MECOM: variants seen among roughly 807,000 people sequenced by gnomAD.
The protein encoded by MECOM is histone-lysine N-methyltransferase MECOM.
Under a neutral mutation model 116.3 loss-of-function variants are expected in MECOM, and 13 were observed. That is an observed-to-expected ratio of 0.11 (90% confidence interval 0.07 to 0.18). MECOM has a LOEUF of 0.18. Among genes scored for constraint, MECOM ranks in the 10% least tolerant of loss-of-function variants. The probability of loss-of-function intolerance (pLI) is 1.00; values close to 1 mark genes in which losing one functional copy is unlikely to be tolerated. For missense variants in MECOM, 1,299 were observed against 1,509.0 expected, an observed-to-expected ratio of 0.86 and a Z score of 2.31; for synonymous variants, 528 against 535.2, an observed-to-expected ratio of 0.99 and a Z score of 0.19.
intron 2 of MECOM, among the ~76,000 whole-genome samples, chr3:169,149,911 A>G (rs974079705): frequency 6.6e-6 from 1 of 150,774 alleles, no homozygotes; most frequent in Non-Finnish European, 1.5e-5. Context: ...AAAACACTAA[A>G]TCTTAATCTC....
At chr3:169,440,332 G>A (rs1022246227) in intron 1 of MECOM, among the ~76,000 whole-genome samples, 1 of 152,120 alleles carries the variant, frequency 6.6e-6, no homozygotes, top group Non-Finnish European at 1.5e-5. Flanking sequence ...TTGTTGAAAT[G>A]CGAAATGCTT....
chr3:169,131,619 T>C (rs1362090568), intron 3 of MECOM, 88 bp from the exon 4 acceptor site: 2 of 971,912 alleles, frequency 2.1e-6, no homozygotes, highest in African/African-American at 3.3e-5. Context: ...CTAAGATACC[T>C]GTACAAACAC....
chr3:169,663,179 CTG>C lies in MECOM; in HGVS notation c.37+155_37+156del, dbSNP rs1776557366. ...GAGCGCGGGCGACCGGGAGCAGAGACTGGAACCGGCAGGTTGCTGGGGCTGCG... is the reference window on the plus strand; with the variant it reads ...GAGCGCGGGCGACCGGGAGCAGAGACGAACCGGCAGGTTGCTGGGGCTGCG... On this transcript the variant is annotated intron_variant, in intron 1 of 16. Transcript: ENST00000651503. 2.6e-5 allele frequency among the ~76,000 whole-genome samples: 4 copies of C among 151,954 alleles called. No individual in the cohort carries two copies. In the South Asian group the frequency reaches 8.3e-4, roughly 32 times the overall value.
In MECOM at chr3:169,319,096, T is replaced by TA. The variant is rs751122351; in HGVS notation, c.375+62090dup. Among the ~76,000 whole-genome samples, 844 of 114,528 alleles carry TA rather than the reference T, an allele frequency of 7.4e-3. 7 individuals are homozygous for TA. The highest frequency in any genetic ancestry group is 0.027 in the Middle Eastern group (4 of 150). 75.1% of individuals were successfully genotyped at this position (114,528 alleles called of 152,430 possible). A position where few individuals can be genotyped will look rare whatever the true frequency, so the allele number is the denominator to read the frequency against. ...CTGGGTGACAGAGTGAGACTCTGTCTAAAAAAAAAAAAAAAAGACACATGC... is the reference window on the plus strand; with the variant it reads ...CTGGGTGACAGAGTGAGACTCTGTCTAAAAAAAAAAAAAAAAAGACACATGC... On this transcript the variant is annotated intron_variant, in intron 2 of 16. Transcript: ENST00000651503.
chr3:169,146,602 G>C, intron 2 of MECOM: 1 of 1,371,846 alleles, frequency 7.3e-7, no homozygotes, highest in Non-Finnish European at 9.7e-7. Context: ...GGGCGAGGAG[G>C]AAAGAAGGCT....
intron 1 of MECOM, among the ~76,000 whole-genome samples, chr3:169,613,223 G>A (rs1769496790): frequency 2.0e-5 from 3 of 152,060 alleles, no homozygotes; most frequent in South Asian, 2.1e-4. Context: ...CATTTATATC[G>A]AAGACATGCT....
intron 2 of MECOM, chr3:169,147,310 GGGTCCT>G: frequency 5.1e-6 from 5 of 985,582 alleles, no homozygotes; most frequent in Non-Finnish European, 6.0e-6. Context: ...GCGCCTTCGC[GGGTCCT>G]GGACCCTCAC....
At chr3:169,117,007 T>C (rs1577011088) in intron 7 of MECOM, among the ~76,000 whole-genome samples, 1 of 151,898 alleles carries the variant, frequency 6.6e-6, no homozygotes, top group African/African-American at 2.4e-5. Flanking sequence ...ATATTTTGCA[T>C]AATATTTGTG....
intron 1 of MECOM, among the ~76,000 whole-genome samples, chr3:169,503,774 G>A (rs1754845558): frequency 6.6e-6 from 1 of 152,084 alleles, no homozygotes; most frequent in Non-Finnish European, 1.5e-5. Flanking sequence ...ACATATCAAA[G>A]CATATTTTTT....
intron 2 of MECOM, among the ~76,000 whole-genome samples, chr3:169,248,724 TAAG>T (rs1755894289): frequency 6.6e-6 from 1 of 152,252 alleles, no homozygotes; most frequent in Middle Eastern, 3.4e-3. Flanking sequence ...AGCGTACTTC[TAAG>T]AAGAGAAATG....
At chr3:169,281,686 C>T (rs1277036463) in intron 2 of MECOM, among the ~76,000 whole-genome samples, 1 of 152,052 alleles carries the variant, frequency 6.6e-6, no homozygotes, top group South Asian at 2.1e-4. Flanking sequence ...GTGGCATGTA[C>T]CTGCAGTCCC....
intron 2 of MECOM, among the ~76,000 whole-genome samples, chr3:169,336,444 T>C (rs556885600): frequency 1.1e-4 from 16 of 152,018 alleles, no homozygotes; most frequent in Non-Finnish European, 2.2e-4. Context: ...AAAGTTACAC[T>C]ATTTTTTTTT....
chr3:169,133,852 C>T, intron 3 of MECOM: 1 of 1,125,790 alleles, frequency 8.9e-7, no homozygotes, highest in Admixed American at 2.3e-5. Flanking sequence ...TACACTGTTT[C>T]ATTCTGGAGT....
At chr3:169,622,930 G>A (rs1770929373) in intron 1 of MECOM, among the ~76,000 whole-genome samples, 1 of 152,142 alleles carries the variant, frequency 6.6e-6, no homozygotes, top group Admixed American at 6.5e-5. Flanking sequence ...ACTCAGCTCT[G>A]CTTTCAGGTT....
At chr3:169,412,520 AG>A (rs1433061566) in intron 1 of MECOM, among the ~76,000 whole-genome samples, 1 of 152,060 alleles carries the variant, frequency 6.6e-6, no homozygotes, top group Non-Finnish European at 1.5e-5. Flanking sequence ...TGCTCCTGAA[AG>A]CTACGATCTA....
intron 8 of MECOM, among the ~76,000 whole-genome samples, chr3:169,115,013 C>G (rs1053455388): frequency 4.6e-5 from 7 of 152,218 alleles, no homozygotes; most frequent in Middle Eastern, 3.4e-3. Flanking sequence ...AAGAACCTGA[C>G]CCATTTAAGT....
At chr3:169,249,811 G>A (rs73879039) in intron 2 of MECOM, among the ~76,000 whole-genome samples, 1 of 152,154 alleles carries the variant, frequency 6.6e-6, no homozygotes, top group East Asian at 1.9e-4. Context: ...GGCCCTCAGG[G>A]GTTACTGGTA....
At chr3:169,527,289 C>A (rs566343827) in intron 1 of MECOM, among the ~76,000 whole-genome samples, 4 of 152,308 alleles carry the variant, frequency 2.6e-5, no homozygotes, top group African/African-American at 7.2e-5. Flanking sequence ...TCTAACTCAA[C>A]AACCTTGAAA....
chr3:169,410,095 A>G (rs1320755557), intron 1 of MECOM, among the ~76,000 whole-genome samples: 2 of 152,332 alleles, frequency 1.3e-5, no homozygotes, highest in East Asian at 3.9e-4. Context: ...TTTATTTTCC[A>G]TGCACATAAA....
Sources: gnomAD v4.1 joint callset for allele counts (sites outside exome capture counted in the v4.1 genomes callset) on GRCh38, gnomAD v4.1.1 for gene constraint, MANE v1.5 for transcripts, NCBI Gene and HGNC (gene_info 2026-07-23, HGNC 2026-07-21) for gene names.